CTNNA3: variants seen among roughly 807,000 people sequenced by gnomAD.
The protein encoded by CTNNA3 is catenin alpha-3.
Under a neutral mutation model 95.7 loss-of-function variants are expected in CTNNA3, and 76 were observed. That is an observed-to-expected ratio of 0.79 (90% CI 0.66 to 0.96). The LOEUF (loss-of-function observed/expected upper bound fraction) is 0.96. Among genes scored for constraint, CTNNA3 ranks in the 40% least tolerant of loss-of-function variants. The pLI is 0.00. For synonymous variants in CTNNA3, 431 were observed against 374.4 expected, an observed-to-expected ratio of 1.15 and a Z score of -1.74; for missense variants, 1,191 against 1,089.8, an observed-to-expected ratio of 1.09 and a Z score of -1.31.
intron 5 of CTNNA3, among the ~76,000 whole-genome samples, chr10:67,369,142 T>C (rs1843322818): frequency 6.6e-6 from 1 of 152,112 alleles, no homozygotes; most frequent in South Asian, 2.1e-4. Flanking sequence ...CCTCAATAAA[T>C]CTATTTTTAA....
chr10:66,870,558 C>G (rs372165975), intron 7 of CTNNA3, among the ~76,000 whole-genome samples: 1 of 152,148 alleles, frequency 6.6e-6, no homozygotes, highest in East Asian at 1.9e-4. Context: ...ATGCTGTGAA[C>G]AAATTTCATA....
intron 1 of CTNNA3, among the ~76,000 whole-genome samples, chr10:67,742,371 G>T (rs1216672464): frequency 2.0e-5 from 3 of 151,072 alleles, no homozygotes; most frequent in Admixed American, 6.6e-5. Context: ...TCAACTACAT[G>T]GAAACTGAAC....
chr10:66,350,925 T>C (rs775889669), intron 12 of CTNNA3, among the ~76,000 whole-genome samples: 5 of 152,028 alleles, frequency 3.3e-5, no homozygotes, highest in Admixed American at 6.6e-5. Flanking sequence ...AAACACCAAA[T>C]AGTCTTTAAA....
chr10:66,813,097 AATGAGAAGGGG>A (rs2132268714), intron 7 of CTNNA3, among the ~76,000 whole-genome samples: 1 of 152,294 alleles, frequency 6.6e-6, no homozygotes, highest in Non-Finnish European at 1.5e-5. Flanking sequence ...TTGTTTGCTT[AATGAGAAGGGG>A]AAAGGATAAA....
At chr10:66,354,046 G>A (rs1231840569) in intron 12 of CTNNA3, among the ~76,000 whole-genome samples, 1 of 152,104 alleles carries the variant, frequency 6.6e-6, no homozygotes, top group Non-Finnish European at 1.5e-5. Context: ...AGTTTGGGAA[G>A]CCAAGGCAGG....
chr10:66,617,350 A>G (rs985307934), intron 10 of CTNNA3, among the ~76,000 whole-genome samples: 13 of 151,546 alleles, frequency 8.6e-5, no homozygotes, highest in Non-Finnish European at 1.9e-4. Flanking sequence ...GCACATCAAA[A>G]AGCTTATCCA....
At chr10:66,083,159 T>C (rs1053391773) in intron 14 of CTNNA3, among the ~76,000 whole-genome samples, 1 of 152,206 alleles carries the variant, frequency 6.6e-6, no homozygotes, top group East Asian at 1.9e-4. Flanking sequence ...ATGTTATTAA[T>C]AGCTTATAAA....
chr10:67,454,521 G>A (rs1428392091), intron 5 of CTNNA3, among the ~76,000 whole-genome samples: 2 of 152,068 alleles, frequency 1.3e-5, no homozygotes, highest in Admixed American at 6.6e-5. Flanking sequence ...TGAAATTTCC[G>A]AGTCAAATAA....
chr10:67,142,689 T>G lies in CTNNA3; in HGVS notation c.1047+37628A>C, dbSNP rs543059901. On this transcript the variant is annotated intron_variant, in intron 7 of 17. Coordinates refer to ENST00000433211, the MANE Select transcript of CTNNA3 (RefSeq NM_013266.4). Reference sequence around the variant, plus strand: ...TGGCTCACACCTGTAATCCCAGCACTTTGGGAGGCCGAGGCGAGTGGATCA... The same window carrying G: ...TGGCTCACACCTGTAATCCCAGCACGTTGGGAGGCCGAGGCGAGTGGATCA... 9.8e-5 allele frequency among the ~76,000 whole-genome samples: 15 copies of G among 152,304 alleles called. No individual in the cohort carries two copies. The East Asian group carries it at 1.2e-3, about 12-fold the overall frequency.
At chr10:66,638,610 T>C (rs1845414176) in intron 9 of CTNNA3, among the ~76,000 whole-genome samples, 1 of 152,230 alleles carries the variant, frequency 6.6e-6, no homozygotes, top group Middle Eastern at 3.4e-3. Context: ...TCCATTCATC[T>C]TCCACATCCT....
intron 1 of CTNNA3, among the ~76,000 whole-genome samples, chr10:67,718,730 T>C (rs1461772305): frequency 6.6e-6 from 1 of 152,210 alleles, no homozygotes; most frequent in African/African-American, 2.4e-5. Context: ...GGTTTTCGCA[T>C]CGATGTTCAT....
intron 13 of CTNNA3, among the ~76,000 whole-genome samples, chr10:66,260,883 T>A (rs2090971238): frequency 6.6e-6 from 1 of 152,122 alleles, no homozygotes; most frequent in Admixed American, 6.6e-5. Flanking sequence ...TTCACCTTCC[T>A]GATTAATATA....
At chr10:66,132,709 T>C (rs957367097) in intron 13 of CTNNA3, among the ~76,000 whole-genome samples, 1 of 152,230 alleles carries the variant, frequency 6.6e-6, no homozygotes, top group Non-Finnish European at 1.5e-5. Context: ...CATGGAATAC[T>C]ATGCAGCCAT....
intron 5 of CTNNA3, among the ~76,000 whole-genome samples, chr10:67,436,291 A>G (rs531262699): frequency 6.6e-6 from 1 of 152,284 alleles, no homozygotes; most frequent in Non-Finnish European, 1.5e-5. Flanking sequence ...ATGAAACTGG[A>G]TCCTAATCTC....
intron 1 of CTNNA3, among the ~76,000 whole-genome samples, chr10:67,730,348 T>C (rs1046830395): frequency 6.6e-6 from 1 of 152,008 alleles, no homozygotes; most frequent in Non-Finnish European, 1.5e-5. Context: ...TTAAGATTTG[T>C]GGTGAAATTT....
At chr10:67,250,675 C>T (rs1022666951) in intron 5 of CTNNA3, among the ~76,000 whole-genome samples, 4 of 152,058 alleles carry the variant, frequency 2.6e-5, no homozygotes, top group East Asian at 3.9e-4. Flanking sequence ...GTGGAACCAG[C>T]GCATATGGAG....
chr10:67,429,786 T>C (rs566210221), intron 5 of CTNNA3, among the ~76,000 whole-genome samples: 1 of 152,134 alleles, frequency 6.6e-6, no homozygotes, highest in South Asian at 2.1e-4. Context: ...GGCAATTATC[T>C]AGAAGACTAT....
At chr10:66,869,208 C>T (rs535070984) in intron 7 of CTNNA3, among the ~76,000 whole-genome samples, 1 of 152,240 alleles carries the variant, frequency 6.6e-6, no homozygotes, top group Admixed American at 6.5e-5. Context: ...TATTTTTTGT[C>T]ATGTCCTCAA....
At chr10:66,319,858 A>T (rs1241457174) in intron 12 of CTNNA3, among the ~76,000 whole-genome samples, 7 of 152,132 alleles carry the variant, frequency 4.6e-5, no homozygotes, top group African/African-American at 1.7e-4. Context: ...AGACTAAGAA[A>T]GGGCATGAAT....
Sources: gnomAD v4.1 joint callset for allele counts (sites outside exome capture counted in the v4.1 genomes callset) on GRCh38, gnomAD v4.1.1 for gene constraint, MANE v1.5 for transcripts, NCBI Gene and HGNC (gene_info 2026-07-23, HGNC 2026-07-21) for gene names.